Variants in USP42 observed in about 807,000 individuals in gnomAD.
The protein encoded by USP42 is ubiquitin carboxyl-terminal hydrolase 42.
In USP42, 23 loss-of-function variants were observed where a neutral mutation model predicts 113.0. That is an observed-to-expected ratio of 0.20 (90% CI 0.15 to 0.29). The LOEUF is 0.29. Ranked by LOEUF, USP42 falls within the 10% of genes least tolerant of loss-of-function variation. The probability of loss-of-function intolerance (pLI) is 1.00; values close to 1 mark genes in which losing one functional copy is unlikely to be tolerated. For synonymous variants in USP42, 933 were observed against 699.0 expected (o/e 1.33, Z -5.28); for missense variants, 2,174 against 1,779.8 (o/e 1.22, Z -3.99).
intron 3 of USP42, among the ~76,000 whole-genome samples, chr7:6,124,739 G>T (rs1780430084): frequency 6.6e-6 from 1 of 151,148 alleles, no homozygotes; most frequent in African/African-American, 2.4e-5. Context: ...ATTTATTCTT[G>T]GTTGTCTTTT....
At chr7:6,094,843 A>G in the USP42 span, among the ~76,000 whole-genome samples, 1 of 148,212 alleles carries the variant, frequency 6.7e-6, no homozygotes, top group Non-Finnish European at 1.5e-5. Context: ...GCTGGAGTAC[A>G]GTGACGCAAT....
chr7:6,089,817 T>C, the USP42 span, among the ~76,000 whole-genome samples: 20 of 150,468 alleles, frequency 1.3e-4, no homozygotes, highest in East Asian at 7.9e-4. Flanking sequence ...AGGTGTGAGC[T>C]ACCGCGCCCA....
the USP42 span, chr7:6,093,230 T>A: frequency 7.6e-6 from 1 of 131,232 alleles, no homozygotes; most frequent in Non-Finnish European, 1.6e-5. Context: ...CCTCCCTCCC[T>A]CCCTCTCTTC....
chr7:6,104,037 C>T (rs1779108068), upstream of USP42, among the ~76,000 whole-genome samples: 1 of 150,748 alleles, frequency 6.6e-6, no homozygotes, highest in African/African-American at 2.5e-5. Flanking sequence ...TGAGTTAGGT[C>T]GTGAAATTGC....
At chr7:6,107,881 C>G (rs1042164852) in intron 1 of USP42, among the ~76,000 whole-genome samples, 2 of 152,142 alleles carry the variant, frequency 1.3e-5, no homozygotes, top group Non-Finnish European at 2.9e-5. Flanking sequence ...ATTCAGTTTT[C>G]TTAGTTCATT....
chr7:6,120,462 C>G (rs1223620559), intron 3 of USP42, among the ~76,000 whole-genome samples: 7 of 152,194 alleles, frequency 4.6e-5, no homozygotes, highest in African/African-American at 1.4e-4. Flanking sequence ...AGGCTGGTCT[C>G]AAACTCCTGA....
At chr7:6,104,584 G>A (rs1464016991), upstream of USP42, among the ~76,000 whole-genome samples, 1 of 152,206 alleles carries the variant, frequency 6.6e-6, no homozygotes, top group Non-Finnish European at 1.5e-5. Flanking sequence ...AGGACGAGGC[G>A]AAAGCCCAAA....
At position 6,139,048 on chromosome 7, in the gene USP42, A is replaced by C; in HGVS notation, c.554-44A>C. On this transcript the variant is annotated intron_variant, in intron 4 of 17. Coordinates refer to ENST00000306177, the MANE Select transcript of USP42 (RefSeq NM_032172.3). The surrounding 1 kb of genome is among the most constrained non-coding windows in gnomAD (Gnocchi z 4.5). ...ATTTTGGGGGGTACAACTTAGGCTT[A>C]TTACGTGTAATGATAAAGCCTTGTC... The C allele has an allele frequency of 7.5e-7, 1 of 1,337,974 alleles. No homozygotes were observed. The highest frequency in any genetic ancestry group is 1.0e-6 in the Non-Finnish European group (1 of 958,518). 82.9% of individuals were successfully genotyped at this position (1,337,974 alleles called of 1,614,324 possible). A position where few individuals can be genotyped will look rare whatever the true frequency, so the allele number is the denominator to read the frequency against.
intron 3 of USP42, among the ~76,000 whole-genome samples, chr7:6,118,821 G>C (rs1027464392): frequency 2.6e-5 from 4 of 152,148 alleles, no homozygotes; most frequent in African/African-American, 9.7e-5. Context: ...AAAAAAATCA[G>C]TAAGCCATAT....
Position 6,154,567 on chromosome 7 carries a change from A to G in USP42, c.3013A>G (p.Arg1005Gly). 1.9e-6 allele frequency: 3 copies of G among 1,556,576 alleles called. No individual in the cohort carries two copies. Among genetic ancestry groups the G allele is most frequent in the Admixed American group, 1.9e-5 (1 of 51,878 alleles). ...GGAGCACCACCCCGGCCACGGCGAC[A>G]GGCTCAGCCCTGGCGAGCGCCGCTC... ...APEHHPGHGD[R>G]LSPGERRSLG... is the part of the protein sequence containing the mutation. The change falls in exon 15 of 18, where the codon AGG (arginine) becomes GGG (glycine). Residue 1005 changes from arginine (R) to glycine (G), a missense_variant. Physicochemically the swap from Arg to Gly is moderately radical, Grantham distance 125 (BLOSUM62 -2). Coordinates refer to ENST00000306177, the MANE Select transcript of USP42 (RefSeq NM_032172.3).
At position 6,113,611 on chromosome 7, in the gene USP42, TTTTTTG is replaced by T. The variant is rs555973222; in HGVS notation, c.242-1694_242-1689del. On this transcript the variant is annotated intron_variant, in intron 2 of 17. Transcript: ENST00000306177. ...TACATGGCATCTCAGCCTTTTGGTT[TTTTTTG>T]TTTTTGTTTTTGTTTTTTTTTTGAG... Among the ~76,000 whole-genome samples, 6 of 152,180 alleles carry T rather than the reference TTTTTTG, an allele frequency of 3.9e-5. No homozygotes were observed. The East Asian group carries it at 1.2e-3, about 29-fold the overall frequency.
intron 14 of USP42, chr7:6,153,107 T>TA (rs1478884661): frequency 1.0e-5 from 2 of 200,460 alleles, no homozygotes; most frequent in Non-Finnish European, 1.8e-5. Context: ...ACCCCATCTC[T>TA]ACTAAAAACA....
At chr7:6,103,821 C>A (rs1190381199), upstream of USP42, among the ~76,000 whole-genome samples, 1 of 150,730 alleles carries the variant, frequency 6.6e-6, no homozygotes, top group African/African-American at 2.5e-5. Flanking sequence ...TGGGAAGCCA[C>A]GGAGGGGGAG....
chr7:6,119,340 G>A (rs572022908), intron 3 of USP42, among the ~76,000 whole-genome samples: 88 of 152,234 alleles, frequency 5.8e-4, no homozygotes, highest in African/African-American at 2.0e-3. Flanking sequence ...TGGGTGTGGC[G>A]GCAAGCGCTA....
intron 3 of USP42, among the ~76,000 whole-genome samples, chr7:6,122,566 G>A (rs1205955234): frequency 7.2e-5 from 11 of 152,048 alleles, no homozygotes; most frequent in Admixed American, 7.2e-4. Context: ...CGCCTCATGG[G>A]TTCAAGCGAT....
intron 9 of USP42, among the ~76,000 whole-genome samples, chr7:6,145,012 G>A (rs576445890): frequency 3.3e-5 from 5 of 152,184 alleles, no homozygotes; most frequent in South Asian, 2.1e-4. Context: ...CTTAGATTCC[G>A]CTATCCTCCC....
intron 12 of USP42, 92 bp from the exon 13 acceptor site, chr7:6,149,491 G>GCAAAATGGGAAGGACCCATCAGC: frequency 1.5e-6 from 2 of 1,344,320 alleles, no homozygotes; most frequent in Non-Finnish European, 2.0e-6. Flanking sequence ...AAAAAAAAAA[G>GCAAAATGGGAAGGACCCATCAGC]CAAAATGGGA....
At chr7:6,140,297 T>C in intron 6 of USP42, 102 bp downstream of exon 6, 2 of 1,007,330 alleles carry the variant, frequency 2.0e-6, no homozygotes, top group Middle Eastern at 2.2e-4. Context: ...GGAAAAGTGC[T>C]TCTCTCCAGC....
chr7:6,141,983 A>G (rs940445279), intron 7 of USP42, among the ~76,000 whole-genome samples: 1 of 152,092 alleles, frequency 6.6e-6, no homozygotes, highest in Non-Finnish European at 1.5e-5. Flanking sequence ...TTTCTGTGTG[A>G]GCGTGCTCTC....
Sources: gnomAD v4.1 joint callset for allele counts (sites outside exome capture counted in the v4.1 genomes callset) on GRCh38, gnomAD v4.1.1 for gene constraint, Gnocchi (gnomAD v3.1) non-coding constraint, MANE v1.5 for transcripts, NCBI Gene and HGNC (gene_info 2026-07-23, HGNC 2026-07-21) for gene names.